Variants in PIEZO2 observed in about 807,000 individuals in gnomAD.
The protein encoded by PIEZO2 is piezo-type mechanosensitive ion channel component 2.
In PIEZO2, 172 loss-of-function variants were observed where a neutral mutation model predicts 337.3. That is an observed-to-expected ratio of 0.51 (90% CI 0.45 to 0.58). The LOEUF (loss-of-function observed/expected upper bound fraction) is 0.58. Among genes scored for constraint, PIEZO2 ranks in the 20% least tolerant of loss-of-function variants. The probability of loss-of-function intolerance (pLI) is 0.00; values close to 1 mark genes in which losing one functional copy is unlikely to be tolerated. For missense variants in PIEZO2, 3,028 were observed against 3,391.3 expected (o/e 0.89, Z 2.66); for synonymous variants, 1,251 against 1,228.5 (o/e 1.02, Z -0.38).
Position 10,859,327 on chromosome 18 carries a change from C to T in PIEZO2, c.493-2116G>A, listed in dbSNP as rs532855638. Among the ~76,000 whole-genome samples, 1 of 152,220 alleles carries T rather than the reference C, an allele frequency of 6.6e-6. No homozygotes were observed. Among genetic ancestry groups the T allele is most frequent in the African/African-American group, 2.4e-5 (1 of 41,456 alleles). ...CCTAGAGAACAATTCCCATCTCATT[C>T]TCAGAGGATGACCTTGCTTTCTACT... On this transcript the variant is annotated intron_variant, in intron 5 of 55. Coordinates refer to ENST00000674853, the MANE Select transcript of PIEZO2 (RefSeq NM_001378183.1). The surrounding 1 kb of genome is among the most constrained non-coding windows in gnomAD (Gnocchi z 4.9).
intron 13 of PIEZO2, among the ~76,000 whole-genome samples, chr18:10,792,256 G>A (rs1010412336): frequency 1.2e-4 from 19 of 152,174 alleles, no homozygotes; most frequent in African/African-American, 4.6e-4. Flanking sequence ...GTCACACAGA[G>A]TAGGTTTTTA....
At chr18:10,839,820 A>AT (rs1332633932) in intron 7 of PIEZO2, among the ~76,000 whole-genome samples, 1 of 152,202 alleles carries the variant, frequency 6.6e-6, no homozygotes, top group Non-Finnish European at 1.5e-5. Context: ...TGGATAATCA[A>AT]TTTTTTGGAG....
chr18:10,904,266 G>C (rs989003474), intron 4 of PIEZO2, among the ~76,000 whole-genome samples: 1 of 152,144 alleles, frequency 6.6e-6, no homozygotes, highest in African/African-American at 2.4e-5. Flanking sequence ...TTATGGACAC[G>C]TACAGCATGG....
chr18:11,137,062 C>T (rs1240127542), intron 1 of PIEZO2, among the ~76,000 whole-genome samples: 3 of 152,196 alleles, frequency 2.0e-5, no homozygotes, highest in African/African-American at 7.2e-5. Flanking sequence ...TAAACATGCT[C>T]ACACATCTTG....
intron 2 of PIEZO2, among the ~76,000 whole-genome samples, chr18:10,987,100 G>T (rs745689265): frequency 1.3e-5 from 2 of 151,922 alleles, no homozygotes; most frequent in Non-Finnish European, 2.9e-5. Flanking sequence ...TCATGGACTG[G>T]AATAATTAAT....
At chr18:10,844,788 C>A (rs372854440) in intron 7 of PIEZO2, among the ~76,000 whole-genome samples, 1,254 of 116,184 alleles carry the variant, frequency 0.011, no homozygotes, top group Middle Eastern at 0.014. Context: ...GACTCTGTCT[C>A]AAAAAAAAAA....
At chr18:10,843,796 C>G (rs2041266600) in intron 7 of PIEZO2, among the ~76,000 whole-genome samples, 1 of 152,188 alleles carries the variant, frequency 6.6e-6, no homozygotes, top group South Asian at 2.1e-4. Context: ...AAATGCTATG[C>G]ATCCAACAAG....
chr18:11,018,783 T>C (rs1387029310), intron 2 of PIEZO2, among the ~76,000 whole-genome samples: 1 of 152,192 alleles, frequency 6.6e-6, no homozygotes, highest in Non-Finnish European at 1.5e-5. Flanking sequence ...ATTTTAAGGA[T>C]GAGTGGATAT....
intron 18 of PIEZO2, 79 bp downstream of exon 18, chr18:10,780,246 T>G: frequency 1.4e-6 from 1 of 693,834 alleles, no homozygotes; most frequent in Non-Finnish European, 2.6e-6. Flanking sequence ...ACGATTTTCA[T>G]GTATAAAGCA....
rs181917421 is a variant in PIEZO2 at position 10,856,975 on chromosome 18, G to C, written c.703+26C>G. ...AAGCACTGCTTGTGCCTTTTGCTAC[G>C]TGCAGCCAGTGTGGGAGACACTCAC... On this transcript the variant is annotated intron_variant, in intron 6 of 55. Coordinates refer to ENST00000674853, the MANE Select transcript of PIEZO2 (RefSeq NM_001378183.1). This position sits in a 1 kb window ranked among gnomAD's most constrained non-coding sequence, Gnocchi z 4.7. The C allele has an allele frequency of 1.1e-5, 17 of 1,531,624 alleles. No homozygotes were observed. Among genetic ancestry groups the C allele is most frequent in the African/African-American group, 1.4e-5 (1 of 72,976 alleles). 94.9% of individuals were successfully genotyped at this position (1,531,624 alleles called of 1,614,324 possible).
chr18:11,014,912 G>A (rs2036054521), intron 2 of PIEZO2, among the ~76,000 whole-genome samples: 1 of 142,014 alleles, frequency 7.0e-6, no homozygotes, highest in African/African-American at 2.7e-5. Context: ...GTCACCCTGG[G>A]TGGGACAGCG....
intron 3 of PIEZO2, among the ~76,000 whole-genome samples, chr18:10,961,116 G>A (rs1259198248): frequency 6.6e-6 from 1 of 151,854 alleles, no homozygotes; most frequent in Non-Finnish European, 1.5e-5. Context: ...GGGAGGCAGA[G>A]CTTGCAGTGA....
chr18:10,810,345 T>C (rs1390630156), intron 7 of PIEZO2, among the ~76,000 whole-genome samples: 1 of 152,186 alleles, frequency 6.6e-6, no homozygotes, highest in East Asian at 1.9e-4. Flanking sequence ...ACCTGGTCTG[T>C]CTGCATTGCT....
rs915141128 is a variant in PIEZO2 at position 10,863,486 on chromosome 18, A to G, written c.493-6275T>C. Among the ~76,000 whole-genome samples the G allele has an allele frequency of 1.3e-5, 2 of 152,260 alleles. No homozygotes were observed. Among genetic ancestry groups the G allele is most frequent in the African/African-American group, 4.8e-5 (2 of 41,466 alleles). ...TAGATGTTGCTTTCAACCACCATCT[A>G]CAAAGCAATGAAAGTTTAATAAAGA... On this transcript the variant is annotated intron_variant, in intron 5 of 55. Coordinates refer to ENST00000674853, the MANE Select transcript of PIEZO2 (RefSeq NM_001378183.1). This position sits in a 1 kb window ranked among gnomAD's most constrained non-coding sequence, Gnocchi z 4.3.
rs1213384617 is a variant in PIEZO2 at position 11,001,579 on chromosome 18, T to G, written c.161-21919A>C. 1.3e-5 allele frequency among the ~76,000 whole-genome samples: 2 copies of G among 152,062 alleles called. No homozygotes were observed. The highest frequency in any genetic ancestry group is 4.8e-5 in the African/African-American group (2 of 41,404). ...GAAATCAGAAGTAAGGATTTGCTCTTCTAAAATCTTTTGTCAAGCAGGGTG... is the reference window on the plus strand; with the variant it reads ...GAAATCAGAAGTAAGGATTTGCTCTGCTAAAATCTTTTGTCAAGCAGGGTG... On this transcript the variant is annotated intron_variant, in intron 2 of 55. Coordinates refer to ENST00000674853, the MANE Select transcript of PIEZO2 (RefSeq NM_001378183.1). The surrounding 1 kb of genome is among the most constrained non-coding windows in gnomAD (Gnocchi z 5.3).
chr18:10,951,058 T>C lies in PIEZO2; in HGVS notation c.286+28477A>G, dbSNP rs529335288. Among the ~76,000 whole-genome samples the C allele has an allele frequency of 2.8e-4, 42 of 152,294 alleles. No individual in the cohort carries two copies. The South Asian group carries it at 8.5e-3, about 31-fold the overall frequency. On this transcript the variant is annotated intron_variant, in intron 3 of 55. Coordinates refer to ENST00000674853, the MANE Select transcript of PIEZO2 (RefSeq NM_001378183.1). ...GGCACACAACATTGCTCCAAAAATG[T>C]AATTCTCTGCAAGTCCAGGTGCTGA... is the stretch of plus-strand genomic sequence containing the variant.
intron 32 of PIEZO2, among the ~76,000 whole-genome samples, chr18:10,741,304 C>T (rs1021067174): frequency 6.6e-6 from 1 of 152,124 alleles, no homozygotes; most frequent in Non-Finnish European, 1.5e-5. Context: ...GTTCTTTTAA[C>T]AGTATGCTAC....
rs895611257 is a variant in PIEZO2, at chr18:10,819,072, A to T, written c.918-11798T>A. On this transcript the variant is annotated intron_variant, in intron 7 of 55. Transcript: ENST00000674853. The surrounding 1 kb of genome is among the most constrained non-coding windows in gnomAD (Gnocchi z 4.3). Reference sequence around the variant, plus strand: ...TCGTCCCCCACCAAAATAATATGGAAATGTTCCATTTAATTGTCATAAGAA... The same window carrying T: ...TCGTCCCCCACCAAAATAATATGGATATGTTCCATTTAATTGTCATAAGAA... 6.6e-6 allele frequency among the ~76,000 whole-genome samples: 1 copy of T among 152,218 alleles called. No homozygotes were observed. The highest frequency in any genetic ancestry group is 1.5e-5 in the Non-Finnish European group (1 of 68,030).
chr18:10,959,236 A>G (rs1330144044), intron 3 of PIEZO2, among the ~76,000 whole-genome samples: 1 of 152,142 alleles, frequency 6.6e-6, no homozygotes, highest in African/African-American at 2.4e-5. Context: ...TTTGTTCTCA[A>G]AGTCTTCACA....
Sources: gnomAD v4.1 joint callset for allele counts (sites outside exome capture counted in the v4.1 genomes callset) on GRCh38, gnomAD v4.1.1 for gene constraint, Gnocchi (gnomAD v3.1) non-coding constraint, MANE v1.5 for transcripts, NCBI Gene and HGNC (gene_info 2026-07-23, HGNC 2026-07-21) for gene names.